SHLD2: variants seen among roughly 807,000 people sequenced by gnomAD.
SHLD2 encodes shieldin complex subunit 2, also known as RINN1-REV7-interacting novel NHEJ regulator 2.
Under a neutral mutation model 73.2 loss-of-function variants are expected in SHLD2, and 30 were observed. That is an observed-to-expected ratio of 0.41 (90% CI 0.31 to 0.56). The LOEUF (loss-of-function observed/expected upper bound fraction) is 0.56. Ranked by LOEUF, SHLD2 falls within the 20% of genes least tolerant of loss-of-function variation. The probability of loss-of-function intolerance (pLI) is 0.28; values close to 1 mark genes in which losing one functional copy is unlikely to be tolerated. For synonymous variants in SHLD2, 285 were observed against 370.1 expected, an observed-to-expected ratio of 0.77 and a Z score of 2.64; for missense variants, 745 against 1,055.9, an observed-to-expected ratio of 0.71 and a Z score of 4.08.
chr10:87,134,265 T>G (rs3129445), intron 2 of SHLD2, among the ~76,000 whole-genome samples: 48,415 of 151,986 alleles, frequency 0.32, 8,466 homozygotes, highest in East Asian at 0.74. Context: ...AAAACCCATC[T>G]AAGAGCTGAG....
At chr10:87,160,234 C>T (rs564242384) in intron 4 of SHLD2, among the ~76,000 whole-genome samples, 11 of 152,174 alleles carry the variant, frequency 7.2e-5, no homozygotes, top group Non-Finnish European at 1.5e-4. Context: ...TGCCTGTAAT[C>T]CCAGCACTTT....
intron 2 of SHLD2, among the ~76,000 whole-genome samples, chr10:87,147,082 AAAAAAAC>A (rs1275771544): frequency 1.4e-5 from 2 of 147,932 alleles, no homozygotes; most frequent in African/African-American, 2.5e-5. Flanking sequence ...GAAAAAAAAA[AAAAAAAC>A]AAAAAAACCT....
In SHLD2 at chr10:87,151,750, C is replaced by T; in HGVS notation, c.396C>T (p.Phe132=). 1 of 1,611,914 alleles carries T rather than the reference C, an allele frequency of 6.2e-7. No individual in the cohort carries two copies. Among genetic ancestry groups the T allele is most frequent in the South Asian group, 1.1e-5 (1 of 90,972 alleles). Residue 132 remains phenylalanine (F), a synonymous_variant, in exon 3 of 10, where the codon TTC becomes TTT. Transcript: ENST00000298786. ...ICGFKSTVPH[F]TEEEKYQKLL... Reference sequence around the variant, plus strand: ...GATTTAAAAGCACAGTTCCGCATTTCACCGAAGAAGAAAAGTATCAAAAGC... The same window carrying T: ...GATTTAAAAGCACAGTTCCGCATTTTACCGAAGAAGAAAAGTATCAAAAGC...
intron 2 of SHLD2, among the ~76,000 whole-genome samples, chr10:87,110,427 G>A (rs1842847919): frequency 6.6e-6 from 1 of 152,074 alleles, no homozygotes; most frequent in Admixed American, 6.6e-5. Flanking sequence ...AGCCAACAGG[G>A]AAACCCCATC....
At chr10:87,125,652 G>T (rs1342041580) in intron 2 of SHLD2, among the ~76,000 whole-genome samples, 1 of 152,188 alleles carries the variant, frequency 6.6e-6, no homozygotes, top group African/African-American at 2.4e-5. Context: ...CAGGAGAATT[G>T]CTTGAACCCA....
intron 2 of SHLD2, among the ~76,000 whole-genome samples, chr10:87,102,066 A>G (rs562370523): frequency 6.6e-6 from 1 of 152,180 alleles, no homozygotes; most frequent in East Asian, 1.9e-4. Flanking sequence ...TTTCTTGCCT[A>G]ATGCTCCTCA....
intron 7 of SHLD2, among the ~76,000 whole-genome samples, chr10:87,176,921 A>T (rs1160963806): frequency 6.6e-6 from 1 of 152,192 alleles, no homozygotes; most frequent in Non-Finnish European, 1.5e-5. Context: ...TAAATTAATA[A>T]TATTTCTGGA....
upstream of SHLD2, chr10:87,094,681 AG>A: frequency 6.6e-7 from 1 of 1,512,234 alleles, no homozygotes; most frequent in Non-Finnish European, 8.8e-7. The surrounding 1 kb of genome is among the most constrained non-coding windows in gnomAD (Gnocchi z 6.6). Flanking sequence ...GGCCCAGCCC[AG>A]CAACGCGGCC....
At chr10:87,122,129 G>A (rs1324653106) in intron 2 of SHLD2, among the ~76,000 whole-genome samples, 2 of 141,902 alleles carry the variant, frequency 1.4e-5, no homozygotes, top group Non-Finnish European at 1.5e-5. Flanking sequence ...TGCATTTGGC[G>A]TGGCTGGTTT....
intron 2 of SHLD2, among the ~76,000 whole-genome samples, chr10:87,103,885 A>G (rs1842424248): frequency 6.6e-6 from 1 of 152,172 alleles, no homozygotes. Flanking sequence ...CATGAACAAT[A>G]TAGGATCTTA....
chr10:87,126,212 G>C (rs1410206313), intron 2 of SHLD2, among the ~76,000 whole-genome samples: 2 of 151,956 alleles, frequency 1.3e-5, no homozygotes, highest in African/African-American at 2.4e-5. Context: ...CCAAGTAGTT[G>C]GGACTAAAGG....
intron 2 of SHLD2, among the ~76,000 whole-genome samples, chr10:87,130,853 T>G (rs1455346685): frequency 6.6e-6 from 1 of 152,142 alleles, no homozygotes; most frequent in African/African-American, 2.4e-5. Context: ...GGTAGACTCC[T>G]TGCGTCTGGG....
At chr10:87,134,313 T>C (rs1844640851) in intron 2 of SHLD2, among the ~76,000 whole-genome samples, 1 of 152,102 alleles carries the variant, frequency 6.6e-6, no homozygotes, top group Non-Finnish European at 1.5e-5. Flanking sequence ...CTCCAGAAAG[T>C]AATCAAACTT....
At chr10:87,095,396 A>C (rs1217363866) in intron 1 of SHLD2, 148 bp downstream of exon 1, 1 of 152,150 alleles carries the variant, frequency 6.6e-6, no homozygotes, top group African/African-American at 2.4e-5. Flanking sequence ...GGACCGGGTC[A>C]TGTGAGTCAC....
At chr10:87,098,439 G>T (rs7096829) in intron 2 of SHLD2, among the ~76,000 whole-genome samples, 42,961 of 151,214 alleles carry the variant, frequency 0.28, 7,005 homozygotes, top group East Asian at 0.74. Context: ...CTTGAACCTG[G>T]GAGGCGGAGG....
chr10:87,166,852 G>T (rs545385866), intron 4 of SHLD2, among the ~76,000 whole-genome samples: 2 of 152,054 alleles, frequency 1.3e-5, no homozygotes, highest in African/African-American at 2.4e-5. Flanking sequence ...GTGTGGTTTT[G>T]CCCAGTTGAA....
chr10:87,121,777 T>G (rs1255078378), intron 2 of SHLD2, among the ~76,000 whole-genome samples: 2 of 150,644 alleles, frequency 1.3e-5, no homozygotes, highest in African/African-American at 2.4e-5. Flanking sequence ...TTTTTTTTTT[T>G]TTTAATTGAG....
chr10:87,169,208 A>C (rs1847416754), intron 4 of SHLD2, among the ~76,000 whole-genome samples: 1 of 152,206 alleles, frequency 6.6e-6, no homozygotes, highest in South Asian at 2.1e-4. Context: ...CGAAGCCCAG[A>C]GAAGTTATGT....
chr10:87,148,558 T>TGGG (rs1261224967), intron 2 of SHLD2, among the ~76,000 whole-genome samples: 2 of 112,576 alleles, frequency 1.8e-5, no homozygotes, highest in African/African-American at 7.2e-5. Flanking sequence ...AACAAGTTTG[T>TGGG]GGGGGGGCGG....
Sources: gnomAD v4.1 joint callset for allele counts (sites outside exome capture counted in the v4.1 genomes callset) on GRCh38, gnomAD v4.1.1 for gene constraint, Gnocchi (gnomAD v3.1) non-coding constraint, MANE v1.5 for transcripts, NCBI Gene and HGNC (gene_info 2026-07-23, HGNC 2026-07-21) for gene names.